The following ADAMTSL1 variants were observed in gnomAD, a reference collection of about 807,000 sequenced individuals.
The protein encoded by ADAMTSL1 is ADAMTS like 1, also known as ADAMTS-like protein 1.
Under a neutral mutation model 201.8 loss-of-function variants are expected in ADAMTSL1, and 126 were observed. The observed-to-expected ratio is 0.62, with a 90% CI of 0.54 to 0.72. ADAMTSL1 has a LOEUF of 0.72. Among genes scored for constraint, ADAMTSL1 ranks in the 30% least tolerant of loss-of-function variants. The probability of loss-of-function intolerance (pLI) is 0.00; values close to 1 mark genes in which losing one functional copy is unlikely to be tolerated. For missense variants in ADAMTSL1, 2,679 were observed against 2,277.8 expected (o/e 1.18, Z -3.59); for synonymous variants, 1,121 against 903.4 (o/e 1.24, Z -4.32).
chr9:18,052,192 T>G (rs759169370), intron 1 of ADAMTSL1, among the ~76,000 whole-genome samples: 3 of 152,244 alleles, frequency 2.0e-5, no homozygotes, highest in Non-Finnish European at 2.9e-5. Flanking sequence ...TAATTACCTT[T>G]GCAGAAGTGG....
intron 1 of ADAMTSL1, among the ~76,000 whole-genome samples, chr9:18,150,909 T>C (rs576628062): frequency 6.6e-6 from 1 of 151,814 alleles, no homozygotes; most frequent in African/African-American, 2.4e-5. Context: ...GACTTATTTT[T>C]TTTTTCTGTG....
chr9:18,684,697 G>T lies in ADAMTSL1; in HGVS notation c.1490-19G>T. The T allele has an allele frequency of 6.2e-7, 1 of 1,610,554 alleles. No homozygotes were observed. Among genetic ancestry groups the T allele is most frequent in the Middle Eastern group, 1.7e-4 (1 of 6,058 alleles). The stretch of plus-strand genomic sequence containing the variant: ...GGTTCTAACCTCTTCTTTTGTATGT[G>T]CATGCACTGAATTCTCAGAGAAACT... On this transcript the variant is annotated intron_variant, in intron 12 of 28. Coordinates refer to ENST00000380548, the MANE Select transcript of ADAMTSL1 (RefSeq NM_001040272.6).
At chr9:18,513,613 T>C (rs866527292) in intron 2 of ADAMTSL1, among the ~76,000 whole-genome samples, 4 of 152,344 alleles carry the variant, frequency 2.6e-5, no homozygotes, top group Non-Finnish European at 2.9e-5. Context: ...CAGTTGGAGT[T>C]TTATAGTTTC....
intron 17 of ADAMTSL1, among the ~76,000 whole-genome samples, chr9:18,772,582 G>A (rs1024455361): frequency 6.6e-6 from 1 of 152,116 alleles, no homozygotes; most frequent in African/African-American, 2.4e-5. Flanking sequence ...AACCTTTTTG[G>A]CTTTAGGTTG....
intron 2 of ADAMTSL1, among the ~76,000 whole-genome samples, chr9:18,261,723 C>T (rs1011331857): frequency 1.3e-5 from 2 of 152,146 alleles, no homozygotes; most frequent in African/African-American, 4.8e-5. Flanking sequence ...TGTGGGCTTA[C>T]ACTGCAGGGG....
At chr9:18,205,568 CA>C (rs1001829766) in intron 2 of ADAMTSL1, among the ~76,000 whole-genome samples, 1 of 152,036 alleles carries the variant, frequency 6.6e-6, no homozygotes, top group Non-Finnish European at 1.5e-5. Context: ...CACAGAGGGT[CA>C]GGGAACATGA....
Position 18,406,288 on chromosome 9 carries a change from T to TC in ADAMTSL1, c.208-98541_208-98540insC, listed in dbSNP as rs1202363159. ...GGTATGGCTCATTGGTATAAGACAG[T>TC]TTTTTCTTTTCTTTTCTTTTCTTTT... is the stretch of plus-strand genomic sequence containing the variant. On this transcript the variant is annotated intron_variant, in intron 2 of 29. Coordinates refer to the ADAMTSL1 transcript ENST00000680146. Among the ~76,000 whole-genome samples, 459 of 144,768 alleles carry TC rather than the reference T, an allele frequency of 3.2e-3. 1 individual carries two copies. The highest frequency in any genetic ancestry group is 0.011 in the African/African-American group (430 of 37,954). The allele number at this position is 144,768 out of a possible 152,430, so 95.0% of individuals were successfully genotyped here.
chr9:18,430,083 C>G (rs979455412), intron 2 of ADAMTSL1, among the ~76,000 whole-genome samples: 3 of 152,090 alleles, frequency 2.0e-5, no homozygotes, highest in African/African-American at 4.8e-5. Flanking sequence ...AGCCACCATG[C>G]CTGGCCAATA....
At chr9:18,658,363 G>T (rs1433570212) in intron 8 of ADAMTSL1, among the ~76,000 whole-genome samples, 1 of 152,166 alleles carries the variant, frequency 6.6e-6, no homozygotes, top group South Asian at 2.1e-4. Context: ...CCTGAAGCAG[G>T]CAGGTCCATT....
At chr9:18,059,529 A>G (rs1822355326) in intron 1 of ADAMTSL1, among the ~76,000 whole-genome samples, 1 of 152,150 alleles carries the variant, frequency 6.6e-6, no homozygotes, top group South Asian at 2.1e-4. Context: ...TTATCATATG[A>G]CTTTGATAGG....
intron 1 of ADAMTSL1, among the ~76,000 whole-genome samples, chr9:18,022,797 A>C (rs2383062): frequency 0.12 from 18,910 of 152,110 alleles, 2,531 homozygotes; most frequent in African/African-American, 0.33. Context: ...TGTCTCCTCT[A>C]TTACTATTTA....
intron 2 of ADAMTSL1, among the ~76,000 whole-genome samples, chr9:18,418,288 C>T (rs73643274): frequency 6.6e-6 from 1 of 151,970 alleles, no homozygotes; most frequent in African/African-American, 2.4e-5. Flanking sequence ...CTGAACGTTT[C>T]CCCCCCGGCA....
At chr9:18,175,173 G>T (rs1751821059) in intron 2 of ADAMTSL1, among the ~76,000 whole-genome samples, 1 of 152,150 alleles carries the variant, frequency 6.6e-6, no homozygotes, top group Admixed American at 6.6e-5. Flanking sequence ...CTTTAGGCAA[G>T]TCATAGAACT....
chr9:18,181,084 T>A (rs1404659489), intron 2 of ADAMTSL1, among the ~76,000 whole-genome samples: 1 of 152,196 alleles, frequency 6.6e-6, no homozygotes, highest in South Asian at 2.1e-4. Context: ...GCTAGCCATA[T>A]GTAGAAAGCT....
At chr9:18,458,835 T>C (rs1197437452) in intron 2 of ADAMTSL1, among the ~76,000 whole-genome samples, 1 of 152,192 alleles carries the variant, frequency 6.6e-6, no homozygotes, top group East Asian at 1.9e-4. Context: ...GAAGGGACTT[T>C]AACAAATCTA....
Position 18,795,434 on chromosome 9 carries a change from G to A in ADAMTSL1, c.3715G>A (p.Ala1239Thr). The A allele has an allele frequency of 6.2e-7, 1 of 1,613,856 alleles. No homozygotes were observed. Among genetic ancestry groups the A allele is most frequent in the Non-Finnish European group, 8.5e-7 (1 of 1,179,828 alleles). ...GCCAGATGATTCCTTACAGATCTTG[G>A]CACCAGTGGAAGCAGATGTGGGTTT... ...LQPDDSLQILAPVEADVGFYT... is the reference protein window; with the variant it reads ...LQPDDSLQILTPVEADVGFYT... Residue 1239 changes from alanine to threonine, a missense_variant, in exon 20 of 29, where the codon GCA becomes ACA. Transcript: ENST00000380548.
chr9:18,306,726 C>T (rs1411649775), intron 2 of ADAMTSL1, among the ~76,000 whole-genome samples: 1 of 152,110 alleles, frequency 6.6e-6, no homozygotes, highest in African/African-American at 2.4e-5. Flanking sequence ...GATTGGTGTA[C>T]CTGAAAGTGA....
chr9:18,872,903 T>C (rs1485814749), intron 23 of ADAMTSL1, among the ~76,000 whole-genome samples: 1 of 152,222 alleles, frequency 6.6e-6, no homozygotes, highest in Non-Finnish European at 1.5e-5. Flanking sequence ...TTCAGTTCTT[T>C]AAAGAATCTC....
chr9:18,012,947 T>A (rs1171613384), intron 1 of ADAMTSL1, among the ~76,000 whole-genome samples: 1 of 151,954 alleles, frequency 6.6e-6, no homozygotes, highest in African/African-American at 2.4e-5. Context: ...CCAAGATAGT[T>A]CTCTTTATTT....
Sources: gnomAD v4.1 joint callset for allele counts (sites outside exome capture counted in the v4.1 genomes callset) on GRCh38, gnomAD v4.1.1 for gene constraint, MANE v1.5 for transcripts, NCBI Gene and HGNC (gene_info 2026-07-23, HGNC 2026-07-21) for gene names.